The following DLGAP1 variants were observed in gnomAD, a reference collection of about 807,000 sequenced individuals.
DLGAP1 encodes the protein DLG associated protein 1.
In DLGAP1, 11 loss-of-function variants were observed where a neutral mutation model predicts 90.8. The ratio of observed to expected loss-of-function variants is 0.12; its 90% CI spans 0.08 to 0.20. DLGAP1 has a LOEUF of 0.20. Among genes scored for constraint, DLGAP1 ranks in the 10% least tolerant of loss-of-function variants. The pLI, the probability that DLGAP1 is intolerant of heterozygous loss-of-function variation, is 1.00. For missense variants in DLGAP1, 1,050 were observed against 1,333.8 expected (o/e 0.79, Z 3.31); for synonymous variants, 558 against 540.7 (o/e 1.03, Z -0.44).
At chr18:3,912,218 CTAATGCTTTACCTCA>C (rs1321151361) in intron 3 of DLGAP1, among the ~76,000 whole-genome samples, 2 of 152,242 alleles carry the variant, frequency 1.3e-5, no homozygotes, top group African/African-American at 4.8e-5. Context: ...CCCAACAACT[CTAATGCTTTACCTCA>C]TATGTTTTGT....
chr18:3,694,176 T>C (rs938726999), intron 7 of DLGAP1, among the ~76,000 whole-genome samples: 6 of 152,174 alleles, frequency 3.9e-5, no homozygotes, highest in Non-Finnish European at 8.8e-5. Flanking sequence ...CTGAGAATGA[T>C]GGTGTCCAGC....
At chr18:3,999,494 A>T (rs1387348562) in intron 3 of DLGAP1, among the ~76,000 whole-genome samples, 2 of 152,040 alleles carry the variant, frequency 1.3e-5, no homozygotes, top group African/African-American at 4.8e-5. Context: ...ACCCGTGACT[A>T]CCTCTATCTT....
chr18:3,949,623 C>T (rs2148962479), intron 3 of DLGAP1, among the ~76,000 whole-genome samples: 1 of 152,294 alleles, frequency 6.6e-6, no homozygotes, highest in Non-Finnish European at 1.5e-5. Flanking sequence ...CAGCAGAGCG[C>T]CTCTTTGTCG....
intron 7 of DLGAP1, among the ~76,000 whole-genome samples, chr18:3,592,888 G>GAA (rs1472230530): frequency 6.7e-5 from 3 of 44,862 alleles, no homozygotes; most frequent in Admixed American, 2.2e-4. Flanking sequence ...GAAAGAAAAA[G>GAA]AAAAAGAAAA....
chr18:3,801,407 C>G lies in DLGAP1; in HGVS notation c.1172+12652G>C, dbSNP rs753859000. Among the ~76,000 whole-genome samples the G allele has an allele frequency of 1.0e-3, 152 of 152,342 alleles. 1 individual carries two copies. The highest frequency in any genetic ancestry group is 1.5e-3 in the Admixed American group (23 of 15,298). ...TCTTTCCCTGCAGCAGTACAACTTT[C>G]TCTTGTCTCTTACTTGATTTCAAAC... is the stretch of plus-strand genomic sequence containing the variant. On this transcript the variant is annotated intron_variant, in intron 5 of 12. Transcript: ENST00000315677.
intron 1 of DLGAP1, among the ~76,000 whole-genome samples, chr18:4,359,114 G>A (rs1364664788): frequency 6.6e-6 from 1 of 152,170 alleles, no homozygotes; most frequent in African/African-American, 2.4e-5. Flanking sequence ...CTTTTATTTA[G>A]GGACTGAATT....
chr18:4,156,073 C>T (rs1443504891), intron 1 of DLGAP1, among the ~76,000 whole-genome samples: 2 of 152,172 alleles, frequency 1.3e-5, no homozygotes. Context: ...ACAACAATGA[C>T]CCCAAGATTT....
intron 7 of DLGAP1, among the ~76,000 whole-genome samples, chr18:3,659,641 C>T (rs546238135): frequency 6.6e-6 from 1 of 152,010 alleles, no homozygotes; most frequent in African/African-American, 2.4e-5. Context: ...TCTCGGCTCA[C>T]TGCAACCTCC....
At chr18:4,120,735 T>TCC (rs2076139873) in intron 2 of DLGAP1, among the ~76,000 whole-genome samples, 1 of 69,926 alleles carries the variant, frequency 1.4e-5, no homozygotes, top group Non-Finnish European at 3.0e-5. Flanking sequence ...TTCCTTCCCT[T>TCC]CTCCCTCCCT....
rs372446130 is a variant in DLGAP1, at chr18:4,005,865, T to TA, written c.-158-665dup. 2.6e-3 allele frequency among the ~76,000 whole-genome samples: 401 copies of TA among 152,338 alleles called. 6 individuals are homozygous for TA. The highest frequency in any genetic ancestry group is 8.8e-3 in the African/African-American group (366 of 41,576). On this transcript the variant is annotated intron_variant, in intron 2 of 12. Coordinates refer to ENST00000315677, the MANE Select transcript of DLGAP1 (RefSeq NM_004746.4). Reference sequence around the variant, plus strand: ...ATCAAATGTATTGGTAATTTTTTTTTATCTGTCTGTTTTTGACACGGATGC... The same window carrying TA: ...ATCAAATGTATTGGTAATTTTTTTTTAATCTGTCTGTTTTTGACACGGATGC...
Position 3,767,880 on chromosome 18 carries a change from C to G in DLGAP1, c.1173-25368G>C, listed in dbSNP as rs78063832. On this transcript the variant is annotated intron_variant, in intron 5 of 12. Coordinates refer to ENST00000315677, the MANE Select transcript of DLGAP1 (RefSeq NM_004746.4). ...CATGAACAAGACAAAGATTTCCACT[C>G]TTATCATGCTTATTCAAAAGTTCTG... 4.1e-3 allele frequency among the ~76,000 whole-genome samples: 622 copies of G among 152,210 alleles called. 6 individuals are homozygous for G. Among genetic ancestry groups the G allele is most frequent in the African/African-American group, 0.014 (597 of 41,506 alleles).
At chr18:3,741,020 C>CCACCACCATCACCACCATCACCAT (rs1568047635) in intron 6 of DLGAP1, among the ~76,000 whole-genome samples, 1 of 74,984 alleles carries the variant, frequency 1.3e-5, no homozygotes, top group African/African-American at 6.1e-5. Flanking sequence ...ACCACCATCA[C>CCACCACCATCACCACCATCACCAT]CACCACCACC....
intron 7 of DLGAP1, among the ~76,000 whole-genome samples, chr18:3,683,807 G>A (rs1473457160): frequency 6.6e-6 from 1 of 152,200 alleles, no homozygotes; most frequent in Non-Finnish European, 1.5e-5. Context: ...TACAGTTAGT[G>A]TTTGGGAGGG....
intron 9 of DLGAP1, among the ~76,000 whole-genome samples, chr18:3,559,117 C>T (rs1371536522): frequency 2.0e-5 from 3 of 152,166 alleles, no homozygotes; most frequent in East Asian, 1.9e-4. Context: ...CATTCCTACA[C>T]GTGATGTTAA....
At chr18:4,446,047 T>C (rs2083657387) in intron 1 of DLGAP1, among the ~76,000 whole-genome samples, 1 of 151,964 alleles carries the variant, frequency 6.6e-6, no homozygotes, top group African/African-American at 2.4e-5. Context: ...CTTGAGTACA[T>C]GCAAATAAAC....
At chr18:4,438,087 C>A (rs1360323053) in intron 1 of DLGAP1, among the ~76,000 whole-genome samples, 1 of 152,072 alleles carries the variant, frequency 6.6e-6, no homozygotes, top group Admixed American at 6.6e-5. Flanking sequence ...ATCAGAAAAA[C>A]CTTAGCGCCT....
intron 1 of DLGAP1, among the ~76,000 whole-genome samples, chr18:4,352,502 T>C (rs931957454): frequency 2.0e-5 from 3 of 152,152 alleles, no homozygotes; most frequent in African/African-American, 7.2e-5. Context: ...CAGGTATACA[T>C]AGGACATGAA....
chr18:3,551,722 C>CCCTTCCTTCCTT (rs1156785378), intron 9 of DLGAP1, among the ~76,000 whole-genome samples: 124 of 12,522 alleles, frequency 9.9e-3, no homozygotes, highest in African/African-American at 0.016. Context: ...CTCCCTCCCT[C>CCCTTCCTTCCTT]CCTTCCTTCC....
chr18:3,884,837 T>C (rs146788912), intron 3 of DLGAP1, among the ~76,000 whole-genome samples: 38 of 152,352 alleles, frequency 2.5e-4, no homozygotes, highest in African/African-American at 8.7e-4. Context: ...ATTGAGATCT[T>C]GATCTTTTTT....
Sources: allele counts gnomAD v4.1 joint callset (sites outside exome capture counted in the v4.1 genomes callset), GRCh38; gene constraint gnomAD v4.1.1; transcripts MANE v1.5; gene names NCBI Gene and HGNC (gene_info 2026-07-23, HGNC 2026-07-21).